SPON1: variants seen among roughly 807,000 people sequenced by gnomAD.
The protein encoded by SPON1 is spondin 1.
Under a neutral mutation model 111.7 loss-of-function variants are expected in SPON1, and 52 were observed. The observed-to-expected ratio is 0.47, with a 90% CI of 0.37 to 0.59. SPON1 has a LOEUF of 0.59. Ranked by LOEUF, SPON1 falls within the 20% of genes least tolerant of loss-of-function variation. SPON1 has a pLI of 0.00. For missense variants in SPON1, 957 were observed against 1,068.5 expected (o/e 0.90, Z 1.46); for synonymous variants, 410 against 395.8 (o/e 1.04, Z -0.43).
intron 5 of SPON1, among the ~76,000 whole-genome samples, chr11:14,090,489 G>T (rs138449575): frequency 6.6e-6 from 1 of 152,146 alleles, no homozygotes; most frequent in Non-Finnish European, 1.5e-5. Context: ...CTCTTCTGAT[G>T]TTCAGATGTG....
chr11:14,032,251 T>C (rs544588267), intron 2 of SPON1, among the ~76,000 whole-genome samples: 1 of 152,362 alleles, frequency 6.6e-6, no homozygotes, highest in African/African-American at 2.4e-5. Context: ...TAAAATGATA[T>C]ACACCAAAAT....
At chr11:14,000,928 G>T (rs1424921397) in intron 2 of SPON1, among the ~76,000 whole-genome samples, 1 of 152,062 alleles carries the variant, frequency 6.6e-6, no homozygotes, top group Non-Finnish European at 1.5e-5. Context: ...TGTCAAAATT[G>T]GAGTAATACT....
At chr11:14,264,025 G>A (rs1365253723) in intron 15 of SPON1, among the ~76,000 whole-genome samples, 2 of 147,730 alleles carry the variant, frequency 1.4e-5, no homozygotes, top group East Asian at 2.0e-4. Flanking sequence ...GTGAAACTCC[G>A]TCTCAAATTA....
At chr11:13,978,537 C>G (rs1036847221) in intron 1 of SPON1, among the ~76,000 whole-genome samples, 1 of 152,110 alleles carries the variant, frequency 6.6e-6, no homozygotes, top group African/African-American at 2.4e-5. Context: ...ATAATGAGTT[C>G]ATATTTACTA....
chr11:14,112,553 ATT>A (rs1849234120), intron 5 of SPON1, among the ~76,000 whole-genome samples: 1 of 152,256 alleles, frequency 6.6e-6, no homozygotes, highest in South Asian at 2.1e-4. Flanking sequence ...AAGTTAATTA[ATT>A]TATGTAAAGC....
In SPON1 at chr11:14,041,631, G is replaced by A. The variant is rs1554917289; in HGVS notation, c.456G>A (p.Ala152=). The change falls in exon 3 of 16, where the codon GCG becomes GCA. Residue 152 remains alanine, a synonymous_variant. Coordinates refer to ENST00000576479, the MANE Select transcript of SPON1 (RefSeq NM_006108.4). ...AGGTGTTTTGGATAGCACCACCAGC[G>A]GGAACAGGCTGCGTGATTCTGAAGT... ...RIQVFWIAPP[A]GTGCVILKAS... is the part of the protein sequence containing the mutation. 1.2e-6 allele frequency: 2 copies of A among 1,613,828 alleles called. No homozygotes were observed. Among genetic ancestry groups the A allele is most frequent in the Non-Finnish European group, 1.7e-6 (2 of 1,179,824 alleles).
intron 5 of SPON1, among the ~76,000 whole-genome samples, chr11:14,091,920 G>A (rs1226280735): frequency 2.4e-4 from 37 of 152,304 alleles, no homozygotes; most frequent in African/African-American, 8.9e-4. Flanking sequence ...TTTGCTGGGG[G>A]TGGCGGGGCG....
At chr11:14,035,804 G>A (rs559392099) in intron 2 of SPON1, among the ~76,000 whole-genome samples, 146 of 152,034 alleles carry the variant, frequency 9.6e-4, no homozygotes, top group African/African-American at 3.4e-3. Context: ...TTTTTATAGA[G>A]ATGGGGCCTC....
At chr11:14,250,911 A>T (rs1357349569) in intron 7 of SPON1, among the ~76,000 whole-genome samples, 1 of 152,228 alleles carries the variant, frequency 6.6e-6, no homozygotes, top group East Asian at 1.9e-4. Context: ...TCTTAGATTA[A>T]GTCATTTACT....
At chr11:14,011,464 C>G (rs1346863779) in intron 2 of SPON1, among the ~76,000 whole-genome samples, 2 of 150,558 alleles carry the variant, frequency 1.3e-5, no homozygotes, top group African/African-American at 5.0e-5. Flanking sequence ...TGAGGCCTGT[C>G]CATGGCTGAC....
At chr11:14,140,543 T>G (rs10832191) in intron 6 of SPON1, among the ~76,000 whole-genome samples, 1 of 151,858 alleles carries the variant, frequency 6.6e-6, no homozygotes, top group Non-Finnish European at 1.5e-5. Context: ...TACAGGCGCC[T>G]GCCATCATGC....
intron 2 of SPON1, among the ~76,000 whole-genome samples, chr11:13,998,069 G>A (rs1554912026): frequency 6.6e-6 from 1 of 152,086 alleles, no homozygotes; most frequent in African/African-American, 2.4e-5. Flanking sequence ...CATAATCAAA[G>A]CTGAGTAAAT....
intron 1 of SPON1, among the ~76,000 whole-genome samples, chr11:13,964,090 C>T (rs1248541493): frequency 2.6e-5 from 4 of 152,182 alleles, no homozygotes; most frequent in Admixed American, 2.0e-4. Flanking sequence ...GATCTGAAGA[C>T]GCCTGACTCT....
chr11:13,972,207 T>C (rs12801550), intron 1 of SPON1, among the ~76,000 whole-genome samples: 13,884 of 152,202 alleles, frequency 0.091, 822 homozygotes, highest in Non-Finnish European at 0.14. Flanking sequence ...TCCTGGACAT[T>C]GTGGTTGTGT....
chr11:14,186,013 G>T (rs1212170541), intron 6 of SPON1, among the ~76,000 whole-genome samples: 2 of 152,148 alleles, frequency 1.3e-5, no homozygotes, highest in Non-Finnish European at 2.9e-5. Flanking sequence ...GTTGTCTGAG[G>T]ATCAAATGAA....
chr11:14,250,209 T>C (rs1194724545), intron 7 of SPON1, among the ~76,000 whole-genome samples: 2 of 152,218 alleles, frequency 1.3e-5, no homozygotes, highest in Non-Finnish European at 2.9e-5. Context: ...TACTGCTGTT[T>C]TCATTTTACA....
At chr11:14,258,749 G>T (rs1278527393) in intron 11 of SPON1, among the ~76,000 whole-genome samples, 4 of 152,156 alleles carry the variant, frequency 2.6e-5, no homozygotes, top group Non-Finnish European at 5.9e-5. Flanking sequence ...AGCTCATTTT[G>T]CCCACAATAA....
chr11:14,217,260 T>A (rs1848635376), intron 6 of SPON1, among the ~76,000 whole-genome samples: 4 of 152,220 alleles, frequency 2.6e-5, no homozygotes, highest in African/African-American at 9.6e-5. Context: ...CACCAACATT[T>A]GTTTCTTAGA....
Position 14,160,895 on chromosome 11 carries a change from A to ATATT in SPON1, c.825+25328_825+25329insATTT, listed in dbSNP as rs1249417241. On this transcript the variant is annotated intron_variant, in intron 6 of 15. Coordinates refer to ENST00000576479, the MANE Select transcript of SPON1 (RefSeq NM_006108.4). ...TTTATATTTTTATATATTTATATAT[A>ATATT]TTTATATATTTATATATATATTTAT... is the stretch of plus-strand genomic sequence containing the variant. Among the ~76,000 whole-genome samples the ATATT allele has an allele frequency of 1.9e-4, 9 of 47,812 alleles. 2 individuals are homozygous for ATATT. The highest frequency in any genetic ancestry group is 3.4e-5 in the Non-Finnish European group (1 of 29,030). 31.4% of individuals were successfully genotyped at this position (47,812 alleles called of 152,430 possible). A position where few individuals can be genotyped will look rare whatever the true frequency, so the allele number is the denominator to read the frequency against.
Sources: allele counts gnomAD v4.1 joint callset (sites outside exome capture counted in the v4.1 genomes callset), GRCh38; gene constraint gnomAD v4.1.1; transcripts MANE v1.5; gene names NCBI Gene and HGNC (gene_info 2026-07-23, HGNC 2026-07-21).